ANKIB1: variants seen among roughly 807,000 people sequenced by gnomAD.
ANKIB1 encodes ankyrin repeat and IBR domain containing 1.
ANKIB1 carries 43 observed loss-of-function variants against 122.1 expected under a neutral mutation model. That is an observed-to-expected ratio of 0.35 (90% confidence interval 0.28 to 0.45). The LOEUF is 0.45. ANKIB1 is among the 20% of genes least tolerant of loss of function. The probability of loss-of-function intolerance (pLI) is 1.00; values close to 1 mark genes in which losing one functional copy is unlikely to be tolerated. For synonymous variants in ANKIB1, 390 were observed against 442.0 expected (o/e 0.88, Z 1.48); for missense variants, 992 against 1,329.5 (o/e 0.75, Z 3.95).
chr7:92,329,908 A>G (rs930573438), intron 5 of ANKIB1, among the ~76,000 whole-genome samples: 4 of 152,132 alleles, frequency 2.6e-5, no homozygotes, highest in Non-Finnish European at 5.9e-5. Context: ...TCACCCAACT[A>G]ATTTCTCATA....
At chr7:92,356,797 T>C (rs967293162) in intron 9 of ANKIB1, among the ~76,000 whole-genome samples, 3 of 152,220 alleles carry the variant, frequency 2.0e-5, no homozygotes, top group Non-Finnish European at 4.4e-5. Context: ...GATAGGTTAC[T>C]GAACCTCTCT....
At position 92,392,646 on chromosome 7, in the gene ANKIB1, A is replaced by G. The variant is rs181110393; in HGVS notation, c.2283+354A>G. Among the ~76,000 whole-genome samples, 213 of 152,234 alleles carry G rather than the reference A, an allele frequency of 1.4e-3. 1 individual carries two copies. Among genetic ancestry groups the G allele is most frequent in the Middle Eastern group, 0.014 (4 of 294 alleles). On this transcript the variant is annotated intron_variant, in intron 17 of 19. Coordinates refer to ENST00000265742, the MANE Select transcript of ANKIB1 (RefSeq NM_019004.2). Reference sequence around the variant, plus strand: ...TTTAATCTGAAACTATTAAAAATATAAAAGAACAATCCATTTTTTAAGGTT... The same window carrying G: ...TTTAATCTGAAACTATTAAAAATATGAAAGAACAATCCATTTTTTAAGGTT...
chr7:92,274,546 G>C (rs1167061909), intron 1 of ANKIB1, among the ~76,000 whole-genome samples: 1 of 151,814 alleles, frequency 6.6e-6, no homozygotes, highest in African/African-American at 2.4e-5. Context: ...TGTAAATCTA[G>C]TAATTTTCTT....
At chr7:92,317,434 A>G (rs1235849147) in intron 3 of ANKIB1, among the ~76,000 whole-genome samples, 1 of 152,200 alleles carries the variant, frequency 6.6e-6, no homozygotes, top group Non-Finnish European at 1.5e-5. Context: ...AGCTGCTAAG[A>G]CCTTGCCCTC....
At chr7:92,338,838 G>C (rs1431781420) in intron 5 of ANKIB1, among the ~76,000 whole-genome samples, 1 of 140,766 alleles carries the variant, frequency 7.1e-6, no homozygotes, top group Non-Finnish European at 1.5e-5. Context: ...CTTGAACCTG[G>C]GAGGCAGAGG....
chr7:92,384,533 CAG>C (rs1804590425), intron 11 of ANKIB1, among the ~76,000 whole-genome samples: 1 of 152,172 alleles, frequency 6.6e-6, no homozygotes, highest in Non-Finnish European at 1.5e-5. Context: ...GGTACCAAAA[CAG>C]AGATATAGAC....
At chr7:92,390,969 A>G (rs1804772095) in intron 15 of ANKIB1, among the ~76,000 whole-genome samples, 197 bp from the exon 16 acceptor site, 1 of 152,194 alleles carries the variant, frequency 6.6e-6, no homozygotes, top group African/African-American at 2.4e-5. Flanking sequence ...ATGATTTTAT[A>G]TACAGTCCTT....
chr7:92,280,299 A>T (rs1330350468), intron 1 of ANKIB1, among the ~76,000 whole-genome samples: 1 of 152,194 alleles, frequency 6.6e-6, no homozygotes, highest in Non-Finnish European at 1.5e-5. Flanking sequence ...TAATAATTAC[A>T]TGTTTATTTA....
intron 5 of ANKIB1, among the ~76,000 whole-genome samples, chr7:92,338,935 T>A (rs112620589): frequency 0.21 from 2,175 of 10,454 alleles, 244 homozygotes; most frequent in East Asian, 0.25. Flanking sequence ...AAAAAAAAAA[T>A]ATATATATAT....
At chr7:92,307,268 G>C in intron 2 of ANKIB1, 91 bp from the exon 3 acceptor site, 1 of 1,297,950 alleles carries the variant, frequency 7.7e-7, no homozygotes, top group Non-Finnish European at 1.0e-6. Flanking sequence ...TAGAAGTAGA[G>C]TTTATCTTTT....
intron 1 of ANKIB1, among the ~76,000 whole-genome samples, chr7:92,267,338 T>C (rs1464123592): frequency 2.0e-5 from 3 of 152,138 alleles, no homozygotes; most frequent in Admixed American, 2.0e-4. Context: ...GATCTAGATA[T>C]AGAGAAATAT....
At chr7:92,247,544 G>A (rs543244120) in intron 1 of ANKIB1, among the ~76,000 whole-genome samples, 1 of 152,294 alleles carries the variant, frequency 6.6e-6, no homozygotes, top group African/African-American at 2.4e-5. Flanking sequence ...CTTAAACTGT[G>A]AATGTCTTCA....
Position 92,307,626 on chromosome 7 carries a change from T to C in ANKIB1, c.456T>C (p.Ala152=). ...DNKKNTPLHY[A]AASGMKACVE... is the part of the protein sequence containing the mutation. ...AAAAAAACACACCCTTGCACTATGCTGCTGCCTCAGGGATGAAAGCCTGTG... is the reference window on the plus strand; with the variant it reads ...AAAAAAACACACCCTTGCACTATGCCGCTGCCTCAGGGATGAAAGCCTGTG... The change falls in exon 3 of 20, where the codon GCT becomes GCC. Residue 152 remains alanine (A), a synonymous_variant. Transcript: ENST00000265742. The C allele has an allele frequency of 6.2e-7, 1 of 1,607,960 alleles. No individual in the cohort carries two copies. Among genetic ancestry groups the C allele is most frequent in the Non-Finnish European group, 8.5e-7 (1 of 1,177,380 alleles).
chr7:92,354,707 T>TAA (rs1330195411), intron 9 of ANKIB1, among the ~76,000 whole-genome samples: 1 of 152,178 alleles, frequency 6.6e-6, no homozygotes, highest in African/African-American at 2.4e-5. Flanking sequence ...CTTAGCTTTA[T>TAA]ACCCTTATTC....
Position 92,396,355 on chromosome 7 carries a change from G to A in ANKIB1, c.2284-10G>A. The stretch of plus-strand genomic sequence containing the variant: ...GCTCTCTTGTATTTTATAACCTTTG[G>A]TTTATGCAGGAATATGCTGAATTTC... On this transcript the variant is annotated splice_polypyrimidine_tract_variant and intron_variant, in intron 17 of 19. Coordinates refer to ENST00000265742, the MANE Select transcript of ANKIB1 (RefSeq NM_019004.2). The A allele has an allele frequency of 6.8e-7, 1 of 1,465,882 alleles. No homozygotes were observed. The highest frequency in any genetic ancestry group is 9.4e-7 in the Non-Finnish European group (1 of 1,060,658). The allele number at this position is 1,465,882 out of a possible 1,614,324, so 90.8% of individuals were successfully genotyped here.
intron 1 of ANKIB1, among the ~76,000 whole-genome samples, chr7:92,251,807 A>G (rs1801335801): frequency 6.6e-6 from 1 of 152,226 alleles, no homozygotes; most frequent in South Asian, 2.1e-4. Flanking sequence ...ACGTGGATAC[A>G]ACACTGCTAT....
intron 11 of ANKIB1, among the ~76,000 whole-genome samples, chr7:92,382,378 A>C (rs1033208370): frequency 7.2e-5 from 11 of 152,258 alleles, no homozygotes; most frequent in African/African-American, 2.7e-4. Context: ...TCAGCTCTGC[A>C]CTAGGCAGAC....
In ANKIB1 at chr7:92,371,469, T is replaced by C; in HGVS notation, c.1487-8T>C. 2 of 1,600,942 alleles carry C rather than the reference T, an allele frequency of 1.2e-6. No individual in the cohort carries two copies. Among genetic ancestry groups the C allele is most frequent in the East Asian group, 2.2e-5 (1 of 44,648 alleles). Reference sequence around the variant, plus strand: ...TTTATTTTTGTGATTGTGTTTAATATCCCAAAGTTGTGGGAGTTAGTGAAG... The same window carrying C: ...TTTATTTTTGTGATTGTGTTTAATACCCCAAAGTTGTGGGAGTTAGTGAAG... On this transcript the variant is annotated splice_polypyrimidine_tract_variant and splice_region_variant and intron_variant, in intron 10 of 19. Transcript: ENST00000265742.
At chr7:92,248,888 CT>C (rs778549860) in intron 1 of ANKIB1, among the ~76,000 whole-genome samples, 85 of 123,020 alleles carry the variant, frequency 6.9e-4, no homozygotes, top group South Asian at 1.1e-3. Context: ...TCTTTTCTTT[CT>C]TTTTTTTTTT....
Sources: gnomAD v4.1 joint callset for allele counts (sites outside exome capture counted in the v4.1 genomes callset) on GRCh38, gnomAD v4.1.1 for gene constraint, MANE v1.5 for transcripts, NCBI Gene and HGNC (gene_info 2026-07-23, HGNC 2026-07-21) for gene names.